KIAA0232: variants seen among roughly 807,000 people sequenced by gnomAD.
KIAA0232 encodes the protein KIAA0232.
A neutral mutation model predicts 122.0 loss-of-function variants in KIAA0232; 27 were observed. The ratio of observed to expected loss-of-function variants is 0.22; its 90% CI spans 0.16 to 0.31. The LOEUF is 0.31. Among genes scored for constraint, KIAA0232 ranks in the 10% least tolerant of loss-of-function variants. KIAA0232 has a pLI of 1.00. For missense variants in KIAA0232, 1,551 were observed against 1,634.2 expected (o/e 0.95, Z 0.88); for synonymous variants, 613 against 587.6 (o/e 1.04, Z -0.63).
intron 1 of KIAA0232, among the ~76,000 whole-genome samples, chr4:6,795,722 A>G (rs1717104200): frequency 1.3e-5 from 2 of 152,154 alleles, no homozygotes; most frequent in South Asian, 2.1e-4. Context: ...CCTCCTGAGT[A>G]GCTGGGACTA....
At chr4:6,817,774 A>G (rs568517497) in intron 2 of KIAA0232, among the ~76,000 whole-genome samples, 1 of 152,164 alleles carries the variant, frequency 6.6e-6, no homozygotes, top group East Asian at 1.9e-4. Flanking sequence ...AGGTTTTGAG[A>G]TCTAGTGTAA....
chr4:6,789,009 C>T lies in KIAA0232; in HGVS notation c.-354+6168C>T, dbSNP rs533218459. ...ATTTTGAGACAGAATCTCGCTCTGTCGCCCAGGCTCGAGTGCAGTGGCGCG... is the reference window on the plus strand; with the variant it reads ...ATTTTGAGACAGAATCTCGCTCTGTTGCCCAGGCTCGAGTGCAGTGGCGCG... On this transcript the variant is annotated intron_variant, in intron 1 of 9. Transcript: ENST00000307659. Among the ~76,000 whole-genome samples, 34 of 151,770 alleles carry T rather than the reference C, an allele frequency of 2.2e-4. No individual in the cohort carries two copies. The South Asian group carries it at 2.3e-3, about 10-fold the overall frequency.
intron 2 of KIAA0232, among the ~76,000 whole-genome samples, chr4:6,818,216 G>A (rs1255444572): frequency 6.6e-6 from 1 of 151,648 alleles, no homozygotes; most frequent in East Asian, 1.9e-4. Flanking sequence ...GCCTGGCCAA[G>A]ATGGTGAAAC....
chr4:6,861,476 G>A lies in KIAA0232; in HGVS notation c.1094G>A (p.Arg365Gln), dbSNP rs757542727. The change falls in exon 7 of 10, where the codon CGG becomes CAG. Residue 365 changes from arginine (R) to glutamine (Q), a missense_variant. By Grantham distance (43) the Arg-to-Gln change is conservative (BLOSUM62 1). This residue lies in a region of KIAA0232 where 377 missense variants were observed against 381.7 expected (regional missense o/e 0.99). Transcript: ENST00000307659. The stretch of plus-strand genomic sequence containing the variant: ...GGTTCTGTCAAACAGCTGTGCAAGC[G>A]GGGTAAGAGACCTTTAAAAGAAATA... ...SSGSVKQLCKRGKRPLKEIGR... is the reference protein window; with the variant it reads ...SSGSVKQLCKQGKRPLKEIGR... 2.0e-5 allele frequency: 32 copies of A among 1,614,034 alleles called. 1 individual carries two copies. The South Asian group carries it at 2.1e-4, about 11-fold the overall frequency.
At chr4:6,816,481 A>G (rs575559889) in intron 2 of KIAA0232, among the ~76,000 whole-genome samples, 23 of 152,020 alleles carry the variant, frequency 1.5e-4, no homozygotes, top group East Asian at 7.7e-4. Flanking sequence ...ACAGGGTTTC[A>G]CCGTGTTAGC....
At position 6,859,159 on chromosome 4, in the gene KIAA0232, G is replaced by A. The variant is rs1391909174; in HGVS notation, c.518+653G>A. On this transcript the variant is annotated intron_variant, in intron 6 of 9. Coordinates refer to ENST00000307659, the MANE Select transcript of KIAA0232 (RefSeq NM_014743.3). ...AAGAAATGATTATCCATGTTCACAAGCAAGAACACTGAGTTCCCACTGTTT... is the reference window on the plus strand; with the variant it reads ...AAGAAATGATTATCCATGTTCACAAACAAGAACACTGAGTTCCCACTGTTT... Among the ~76,000 whole-genome samples the A allele has an allele frequency of 2.7e-5, 4 of 146,894 alleles. No homozygotes were observed. In the East Asian group the frequency reaches 8.0e-4, roughly 29 times the overall value.
intron 4 of KIAA0232, among the ~76,000 whole-genome samples, chr4:6,849,323 G>C (rs1276601774): frequency 6.6e-6 from 1 of 152,194 alleles, no homozygotes; most frequent in Non-Finnish European, 1.5e-5. Flanking sequence ...CTGAGCAACT[G>C]CAAGAATATA....
At chr4:6,839,075 A>G (rs1364492396) in intron 3 of KIAA0232, among the ~76,000 whole-genome samples, 1 of 152,194 alleles carries the variant, frequency 6.6e-6, no homozygotes, top group Non-Finnish European at 1.5e-5. Context: ...GCAATGAGCC[A>G]AGATCACGCC....
chr4:6,869,800 A>G (rs935028787), intron 7 of KIAA0232, among the ~76,000 whole-genome samples: 1 of 152,282 alleles, frequency 6.6e-6, no homozygotes, highest in Non-Finnish European at 1.5e-5. Flanking sequence ...TAAATAATTA[A>G]GTTAAAAGCA....
intron 3 of KIAA0232, among the ~76,000 whole-genome samples, chr4:6,826,357 G>A (rs1039688331): frequency 1.3e-5 from 2 of 152,042 alleles, no homozygotes; most frequent in Non-Finnish European, 2.9e-5. Context: ...CATCTTTCTG[G>A]TAAATGTCAA....
intron 2 of KIAA0232, among the ~76,000 whole-genome samples, chr4:6,810,213 C>G (rs1037750691): frequency 2.0e-5 from 3 of 152,158 alleles, no homozygotes; most frequent in African/African-American, 7.2e-5. Flanking sequence ...CAGCATGGTA[C>G]TGGTGTAAAA....
intron 2 of KIAA0232, among the ~76,000 whole-genome samples, chr4:6,816,488 T>C (rs1718134447): frequency 6.6e-6 from 1 of 152,110 alleles, no homozygotes; most frequent in African/African-American, 2.4e-5. Context: ...TTCACCGTGT[T>C]AGCCAGGATG....
At position 6,867,679 on chromosome 4, in the gene KIAA0232, GTAA is replaced by G. The variant is rs567777339; in HGVS notation, c.3801+3497_3801+3499del. 2.0e-5 allele frequency among the ~76,000 whole-genome samples: 3 copies of G among 152,346 alleles called. No homozygotes were observed. The East Asian group carries it at 5.8e-4, about 29-fold the overall frequency. On this transcript the variant is annotated intron_variant, in intron 7 of 9. Transcript: ENST00000307659. ...TGGAGGGACAGGAAGGCTCTGATGA[GTAA>G]AGAAGGAGTGAGGGTCAGGGGTCAT...
chr4:6,863,472 C>T lies in KIAA0232; in HGVS notation c.3090C>T (p.Val1030=), dbSNP rs369330976. 5.5e-5 allele frequency: 89 copies of T among 1,614,096 alleles called. No homozygotes were observed. In the African/African-American group the frequency reaches 1.1e-3, roughly 20 times the overall value. ...TAGGAGCTTGTGGCAACTTTCAAGTCGAAGATCCTGGACTTGAATACTCAT... is the reference window on the plus strand; with the variant it reads ...TAGGAGCTTGTGGCAACTTTCAAGTTGAAGATCCTGGACTTGAATACTCAT... The part of the protein sequence containing the change: ...DLLGACGNFQ[V]EDPGLEYSFS... Residue 1030 remains valine, a synonymous_variant, in exon 7 of 10, where the codon GTC becomes GTT. Transcript: ENST00000307659.
Position 6,863,487 on chromosome 4 carries a change from T to C in KIAA0232, c.3105T>C (p.Leu1035=). 6.2e-7 allele frequency: 1 copy of C among 1,614,216 alleles called. No individual in the cohort carries two copies. The highest frequency in any genetic ancestry group is 8.5e-7 in the Non-Finnish European group (1 of 1,180,038). ...CGNFQVEDPG[L]EYSFSSFDLS... ...ACTTTCAAGTCGAAGATCCTGGACT[T>C]GAATACTCATTTTCTTCCTTTGACT... is the stretch of plus-strand genomic sequence containing the variant. Residue 1035 remains leucine (L), a synonymous_variant, in exon 7 of 10, where the codon CTT becomes CTC. Transcript: ENST00000307659.
rs201903691 is a variant in KIAA0232, at chr4:6,862,632, G to A, written c.2250G>A (p.Ser750=). The change falls in exon 7 of 10, where the codon TCG becomes TCA. Residue 750 remains serine (S), a synonymous_variant. Transcript: ENST00000307659. ...TTAATTATGTAGTTCCTAGAGTCTCGTCAAATTATGTAGATGAAGAACTTC... is the reference window on the plus strand; with the variant it reads ...TTAATTATGTAGTTCCTAGAGTCTCATCAAATTATGTAGATGAAGAACTTC... ...EDINYVVPRV[S]SNYVDEELLD... The A allele has an allele frequency of 5.3e-5, 85 of 1,613,046 alleles. No homozygotes were observed. The highest frequency in any genetic ancestry group is 6.6e-5 in the South Asian group (6 of 90,642).
At chr4:6,806,529 T>A (rs1171418608) in intron 2 of KIAA0232, among the ~76,000 whole-genome samples, 2 of 151,696 alleles carry the variant, frequency 1.3e-5, no homozygotes, top group African/African-American at 4.8e-5. Context: ...GGTCAGGAAA[T>A]CGAGACCGTC....
In KIAA0232 at chr4:6,862,073, G is replaced by T. The variant is rs370637729; in HGVS notation, c.1691G>T (p.Arg564Leu). The change falls in exon 7 of 10, where the codon CGT becomes CTT. Residue 564 changes from arginine to leucine, a missense_variant. Coordinates refer to ENST00000307659, the MANE Select transcript of KIAA0232 (RefSeq NM_014743.3). ...VLDGMELQGE[R>L]AIWTDSTSSV... ...GATGGTATGGAGTTGCAAGGGGAAC[G>T]TGCAATATGGACAGATTCTACCAGC... 7 of 1,614,192 alleles carry T rather than the reference G, an allele frequency of 4.3e-6. No homozygotes were observed. Among genetic ancestry groups the T allele is most frequent in the Non-Finnish European group, 5.9e-6 (7 of 1,180,038 alleles).
chr4:6,786,534 C>T (rs944416610), intron 1 of KIAA0232, among the ~76,000 whole-genome samples: 9 of 152,152 alleles, frequency 5.9e-5, no homozygotes, highest in Non-Finnish European at 2.9e-5. Flanking sequence ...TCTCGAACTC[C>T]TGGGCTCAAG....
Sources: gnomAD v4.1 joint callset for allele counts (sites outside exome capture counted in the v4.1 genomes callset) on GRCh38, gnomAD v4.1.1 for gene constraint, gnomAD v4.1.1 regional missense constraint, MANE v1.5 for transcripts, NCBI Gene and HGNC (gene_info 2026-07-23, HGNC 2026-07-21) for gene names.